The following ZNF618 variants were observed in gnomAD, a reference collection of about 807,000 sequenced individuals.
ZNF618 encodes the protein neural precursor cell expressed, developmentally down-regulated 10.
In ZNF618, 34 loss-of-function variants were observed where a neutral mutation model predicts 103.0. That is an observed-to-expected ratio of 0.33 (90% CI 0.25 to 0.44). The LOEUF (loss-of-function observed/expected upper bound fraction) is 0.44. Among genes scored for constraint, ZNF618 ranks in the 20% least tolerant of loss-of-function variants. The pLI is 1.00. For missense variants in ZNF618, 1,059 were observed against 1,295.4 expected, an observed-to-expected ratio of 0.82 and a Z score of 2.80; for synonymous variants, 551 against 542.2, an observed-to-expected ratio of 1.02 and a Z score of -0.23.
At chr9:114,003,875 G>A (rs1028249699) in intron 6 of ZNF618, among the ~76,000 whole-genome samples, 2 of 152,262 alleles carry the variant, frequency 1.3e-5, no homozygotes, top group African/African-American at 2.4e-5. Context: ...TAGCCCAGAC[G>A]TCTCCGTCGC....
chr9:113,914,500 A>G lies in ZNF618; in HGVS notation c.33+38087A>G, dbSNP rs113697841. Among the ~76,000 whole-genome samples the G allele has an allele frequency of 3.8e-4, 58 of 152,330 alleles. 1 individual carries two copies. The highest frequency in any genetic ancestry group is 1.2e-3 in the African/African-American group (51 of 41,570). On this transcript the variant is annotated intron_variant, in intron 1 of 14. Transcript: ENST00000374126. ...CCTCAGTGTATGCAACAAAATCCCA[A>G]TCATTCGGAGTTGCCGGTTTATGAT...
At position 113,946,185 on chromosome 9, in the gene ZNF618, A is replaced by T. The variant is rs114673735; in HGVS notation, c.34-22932A>T. 6.1e-3 allele frequency among the ~76,000 whole-genome samples: 935 copies of T among 152,310 alleles called. 10 individuals carry two copies. The highest frequency in any genetic ancestry group is 0.021 in the African/African-American group (893 of 41,568). ...GCCCCCTGGGCCAAAGCAGCCAGGA[A>T]TATCAAGGCCACAGGCTTAGCCCCC... On this transcript the variant is annotated intron_variant, in intron 1 of 14. Coordinates refer to ENST00000374126, the MANE Select transcript of ZNF618 (RefSeq NM_001318042.2).
intron 9 of ZNF618, among the ~76,000 whole-genome samples, chr9:114,009,540 A>G (rs977051175): frequency 2.0e-5 from 3 of 152,110 alleles, no homozygotes; most frequent in South Asian, 4.1e-4. Flanking sequence ...TGGGACCACA[A>G]GTGAGTGAGA....
rs75084439 is a variant in ZNF618 at position 113,999,404 on chromosome 9, G to T, written c.433+1050G>T. On this transcript the variant is annotated intron_variant, in intron 4 of 14. Coordinates refer to ENST00000374126, the MANE Select transcript of ZNF618 (RefSeq NM_001318042.2). ...GGGCCCTGGGTTTTACGCTGCATGA[G>T]GGGCAGGCTCAGGGTCCCTCCTACC... 6.6e-3 allele frequency among the ~76,000 whole-genome samples: 1,003 copies of T among 152,234 alleles called. 16 individuals are homozygous for T. The highest frequency in any genetic ancestry group is 0.022 in the African/African-American group (924 of 41,534).
chr9:113,881,274 T>G (rs1828490036), intron 1 of ZNF618, among the ~76,000 whole-genome samples: 1 of 152,212 alleles, frequency 6.6e-6, no homozygotes, highest in East Asian at 1.9e-4. Flanking sequence ...GTGTGTGCAC[T>G]TCCTTAAAAA....
At chr9:113,891,635 G>A (rs938955580) in intron 1 of ZNF618, among the ~76,000 whole-genome samples, 1 of 152,106 alleles carries the variant, frequency 6.6e-6, no homozygotes, top group Non-Finnish European at 1.5e-5. Flanking sequence ...TCAAAGCAAG[G>A]TCTCAAAGAG....
intron 1 of ZNF618, among the ~76,000 whole-genome samples, chr9:113,894,886 C>T (rs1020866238): frequency 8.5e-5 from 13 of 152,060 alleles, no homozygotes; most frequent in African/African-American, 2.9e-4. Flanking sequence ...ATATCATATG[C>T]AAATAATATT....
intron 1 of ZNF618, among the ~76,000 whole-genome samples, chr9:113,944,726 C>T (rs753637777): frequency 6.6e-6 from 1 of 151,976 alleles, no homozygotes. Flanking sequence ...TTTATTGAGC[C>T]CATTGTATCA....
chr9:113,909,573 G>A (rs1831317750), intron 1 of ZNF618, among the ~76,000 whole-genome samples: 1 of 152,150 alleles, frequency 6.6e-6, no homozygotes, highest in Non-Finnish European at 1.5e-5. Context: ...AATGAGGGTG[G>A]TGACTTGCTT....
chr9:113,955,300 A>C (rs1170688913), intron 1 of ZNF618, among the ~76,000 whole-genome samples: 1 of 150,922 alleles, frequency 6.6e-6, no homozygotes, highest in Non-Finnish European at 1.5e-5. Flanking sequence ...CCAGATTTCC[A>C]CACCCCACCC....
At chr9:113,913,807 C>T (rs1466274492) in intron 1 of ZNF618, among the ~76,000 whole-genome samples, 3 of 152,148 alleles carry the variant, frequency 2.0e-5, no homozygotes, top group Non-Finnish European at 4.4e-5. Flanking sequence ...GGATCTTTGG[C>T]AAGTCCCTTT....
intron 1 of ZNF618, among the ~76,000 whole-genome samples, chr9:113,915,363 G>A (rs564274183): frequency 2.9e-4 from 44 of 152,302 alleles, no homozygotes; most frequent in African/African-American, 1.0e-3. Context: ...GACTAGATGA[G>A]CCCCTGAGAA....
chr9:114,034,343 C>T (rs1270496123), intron 12 of ZNF618, among the ~76,000 whole-genome samples: 1 of 152,108 alleles, frequency 6.6e-6, no homozygotes, highest in Non-Finnish European at 1.5e-5. Flanking sequence ...CCAGATGTGC[C>T]CTGTGCTCCC....
At chr9:113,982,500 CAGATAATCCAA>C (rs1257385187) in intron 2 of ZNF618, among the ~76,000 whole-genome samples, 3 of 152,186 alleles carry the variant, frequency 2.0e-5, no homozygotes, top group Non-Finnish European at 4.4e-5. Context: ...AGGGGCTACT[CAGATAATCCAA>C]GGATGAGCCT....
intron 1 of ZNF618, among the ~76,000 whole-genome samples, chr9:113,879,397 G>GTTTT (rs35301339): frequency 6.3e-5 from 6 of 95,618 alleles, no homozygotes; most frequent in African/African-American, 1.7e-4. Flanking sequence ...TTTTTTTTCT[G>GTTTT]TTTTTTTTTT....
chr9:113,992,290 G>A (rs1000013461), intron 3 of ZNF618, among the ~76,000 whole-genome samples: 13 of 152,164 alleles, frequency 8.5e-5, no homozygotes, highest in South Asian at 2.1e-4. Context: ...GGGCAGACAA[G>A]GCCTGAGGAA....
intron 2 of ZNF618, among the ~76,000 whole-genome samples, chr9:113,984,153 G>C (rs1839235875): frequency 6.6e-6 from 1 of 152,172 alleles, no homozygotes; most frequent in African/African-American, 2.4e-5. Context: ...ACAAGGCAAT[G>C]AACTAGAAGC....
intron 1 of ZNF618, among the ~76,000 whole-genome samples, chr9:113,898,681 C>T (rs1830252900): frequency 6.6e-6 from 1 of 152,140 alleles, no homozygotes; most frequent in Admixed American, 6.5e-5. Context: ...TCTGCCTCAG[C>T]CTCTGGAATA....
intron 1 of ZNF618, among the ~76,000 whole-genome samples, chr9:113,899,482 CGT>C (rs1830326571): frequency 1.3e-5 from 2 of 152,176 alleles, no homozygotes; most frequent in African/African-American, 4.8e-5. Context: ...TCAGCAACAC[CGT>C]TAGATTCTCA....
Sources: allele counts gnomAD v4.1 joint callset (sites outside exome capture counted in the v4.1 genomes callset), GRCh38; gene constraint gnomAD v4.1.1; transcripts MANE v1.5; gene names NCBI Gene and HGNC (gene_info 2026-07-23, HGNC 2026-07-21).